The following AGBL4 variants were observed in gnomAD, a reference collection of about 807,000 sequenced individuals.
AGBL4 encodes the protein AGBL carboxypeptidase 4.
In AGBL4, 58 loss-of-function variants were observed where a neutral mutation model predicts 66.4. That is an observed-to-expected ratio of 0.87 (90% CI 0.71 to 1.09). AGBL4 has a LOEUF of 1.09. Among genes scored for constraint, AGBL4 ranks in the 50% least tolerant of loss-of-function variants. AGBL4 has a pLI of 0.00. For synonymous variants in AGBL4, 234 were observed against 222.9 expected (o/e 1.05, Z -0.44); for missense variants, 579 against 631.0 (o/e 0.92, Z 0.88).
intron 3 of AGBL4, among the ~76,000 whole-genome samples, chr1:49,463,739 G>A (rs1646565269): frequency 6.6e-6 from 1 of 151,720 alleles, no homozygotes; most frequent in Non-Finnish European, 1.5e-5. Context: ...TTAATTTAAA[G>A]AGCACTGGCA....
chr1:48,989,674 A>G (rs1483385465), intron 5 of AGBL4, among the ~76,000 whole-genome samples: 1 of 152,148 alleles, frequency 6.6e-6, no homozygotes, highest in East Asian at 1.9e-4. Flanking sequence ...TATGATCTCA[A>G]GTTCTATCCA....
At chr1:48,661,750 C>A (rs1037529728) in intron 7 of AGBL4, among the ~76,000 whole-genome samples, 1 of 152,134 alleles carries the variant, frequency 6.6e-6, no homozygotes, top group Non-Finnish European at 1.5e-5. Context: ...TTTGGGCTCC[C>A]AGAGATGAAC....
chr1:49,514,212 T>A (rs891637808), intron 3 of AGBL4, among the ~76,000 whole-genome samples: 1 of 151,936 alleles, frequency 6.6e-6, no homozygotes, highest in East Asian at 1.9e-4. Flanking sequence ...ACCCTTTATT[T>A]CCTTCTCCTG....
chr1:49,106,403 G>T (rs933433611), intron 4 of AGBL4, among the ~76,000 whole-genome samples: 3 of 152,142 alleles, frequency 2.0e-5, no homozygotes, highest in Non-Finnish European at 4.4e-5. Flanking sequence ...TTGAATTTCA[G>T]TGAAGGGTGT....
In AGBL4 at chr1:49,262,976, T is replaced by C. The variant is rs540458995; in HGVS notation, c.283-17112A>G. On this transcript the variant is annotated intron_variant, in intron 3 of 13. Transcript: ENST00000371839. ...TACACCATGGAATACTATGCAGCCA[T>C]AGAAAATGATGAGTTCATGTCCTTT... Among the ~76,000 whole-genome samples the C allele has an allele frequency of 4.4e-3, 666 of 152,302 alleles. 1 individual carries two copies. The highest frequency in any genetic ancestry group is 7.5e-3 in the Non-Finnish European group (507 of 68,024).
chr1:49,259,357 C>T (rs954013432), intron 3 of AGBL4, among the ~76,000 whole-genome samples: 22 of 152,104 alleles, frequency 1.4e-4, no homozygotes, highest in Non-Finnish European at 2.8e-4. Context: ...AAGACACAGA[C>T]TGGCAAATTG....
At chr1:49,516,327 C>T (rs1374880255) in intron 3 of AGBL4, among the ~76,000 whole-genome samples, 12 of 151,982 alleles carry the variant, frequency 7.9e-5, no homozygotes, top group Admixed American at 7.9e-4. Flanking sequence ...CTAATTCAGC[C>T]TGGAAGATCA....
chr1:49,658,249 A>G (rs1646189993), intron 3 of AGBL4, among the ~76,000 whole-genome samples: 1 of 152,224 alleles, frequency 6.6e-6, no homozygotes, highest in Non-Finnish European at 1.5e-5. Context: ...CAACAGACAC[A>G]TGAAAAAATG....
At chr1:48,709,617 T>TATTATTATTATTATTA (rs55900245) in intron 6 of AGBL4, among the ~76,000 whole-genome samples, 2 of 148,714 alleles carry the variant, frequency 1.3e-5, no homozygotes, top group Admixed American at 6.7e-5. Flanking sequence ...TTATTATTAT[T>TATTATTATTATTATTA]TTGAGATGGA....
chr1:49,455,444 T>A (rs1051969176), intron 3 of AGBL4, among the ~76,000 whole-genome samples: 3 of 151,676 alleles, frequency 2.0e-5, no homozygotes, highest in Non-Finnish European at 3.0e-5. Context: ...TTTTGGCTGA[T>A]CATAATTTTA....
intron 3 of AGBL4, among the ~76,000 whole-genome samples, chr1:49,564,132 A>G (rs1159109590): frequency 6.6e-6 from 1 of 151,908 alleles, no homozygotes; most frequent in Non-Finnish European, 1.5e-5. Context: ...GGTAGTTTGT[A>G]TCTCTGTGGG....
chr1:49,372,928 C>G (rs1371524066), intron 3 of AGBL4, among the ~76,000 whole-genome samples: 2 of 151,722 alleles, frequency 1.3e-5, no homozygotes, highest in Non-Finnish European at 2.9e-5. Context: ...CCAGCTAATT[C>G]CTGTATTTTT....
chr1:49,802,109 T>C lies in AGBL4; in HGVS notation c.157+49287A>G, dbSNP rs963645308. On this transcript the variant is annotated intron_variant, in intron 2 of 13. Transcript: ENST00000371839. ...TTGGACTGCCAGAACGAGCCAACAGTGCATGATGTGCTTCCCCCTGCAGAG... is the reference window on the plus strand; with the variant it reads ...TTGGACTGCCAGAACGAGCCAACAGCGCATGATGTGCTTCCCCCTGCAGAG... 5.3e-5 allele frequency among the ~76,000 whole-genome samples: 8 copies of C among 152,266 alleles called. No individual in the cohort carries two copies. In the East Asian group the frequency reaches 5.8e-4, roughly 11 times the overall value.
chr1:49,470,530 A>C (rs1646721023), intron 3 of AGBL4, among the ~76,000 whole-genome samples: 1 of 151,986 alleles, frequency 6.6e-6, no homozygotes, highest in Admixed American at 6.6e-5. Flanking sequence ...AGCAGGTGGA[A>C]CTTGACTCTG....
chr1:48,908,131 A>C (rs985589610), intron 5 of AGBL4, among the ~76,000 whole-genome samples: 16 of 152,170 alleles, frequency 1.1e-4, no homozygotes, highest in Admixed American at 6.5e-4. Context: ...TTTTGGGAAG[A>C]CAGTAATTTG....
At chr1:49,492,230 A>G (rs1647202676) in intron 3 of AGBL4, among the ~76,000 whole-genome samples, 1 of 151,916 alleles carries the variant, frequency 6.6e-6, no homozygotes, top group African/African-American at 2.4e-5. Context: ...TCATAGAGCC[A>G]TAGCAATATT....
In AGBL4 at chr1:48,698,526, C is replaced by T. The variant is rs145759158; in HGVS notation, c.635-35285G>A. On this transcript the variant is annotated intron_variant, in intron 6 of 13. Coordinates refer to ENST00000371839, the MANE Select transcript of AGBL4 (RefSeq NM_032785.4). ...CCTCATCCTGAGCTCCTCCACTGCTCACATGGGGAGCTGGATCACTGTGAT... is the reference window on the plus strand; with the variant it reads ...CCTCATCCTGAGCTCCTCCACTGCTTACATGGGGAGCTGGATCACTGTGAT... 8.4e-3 allele frequency among the ~76,000 whole-genome samples: 1,285 copies of T among 152,338 alleles called. 51 individuals carry two copies. The highest frequency in any genetic ancestry group is 0.064 in the Admixed American group (972 of 15,306).
intron 1 of AGBL4, among the ~76,000 whole-genome samples, chr1:49,976,431 A>C (rs1209574465): frequency 6.6e-6 from 1 of 152,202 alleles, no homozygotes; most frequent in Non-Finnish European, 1.5e-5. Flanking sequence ...ATCCTAGTAG[A>C]GATTATAAAT....
chr1:49,491,891 T>A (rs1406348685), intron 3 of AGBL4, among the ~76,000 whole-genome samples: 1 of 151,970 alleles, frequency 6.6e-6, no homozygotes. Context: ...AAACCCTGTA[T>A]ATATTATGTT....
Sources: allele counts gnomAD v4.1 joint callset (sites outside exome capture counted in the v4.1 genomes callset), GRCh38; gene constraint gnomAD v4.1.1; transcripts MANE v1.5; gene names NCBI Gene and HGNC (gene_info 2026-07-23, HGNC 2026-07-21).